SNTG1: variants seen among roughly 807,000 people sequenced by gnomAD.
SNTG1 encodes the protein syntrophin gamma 1.
In SNTG1, 39 loss-of-function variants were observed where a neutral mutation model predicts 74.7. The observed-to-expected ratio is 0.52, with a 90% confidence interval of 0.40 to 0.68. The LOEUF (loss-of-function observed/expected upper bound fraction) is 0.68. Ranked by LOEUF, SNTG1 falls within the 30% of genes least tolerant of loss-of-function variation. The pLI, the probability that SNTG1 is intolerant of heterozygous loss-of-function variation, is 0.00. For missense variants in SNTG1, 685 were observed against 609.5 expected (o/e 1.12, Z -1.30); for synonymous variants, 254 against 217.1 (o/e 1.17, Z -1.49).
chr8:50,782,680 C>T (rs1038932688), intron 18 of SNTG1, among the ~76,000 whole-genome samples: 1 of 147,246 alleles, frequency 6.8e-6, no homozygotes, highest in Non-Finnish European at 1.5e-5. Flanking sequence ...GTAGTTTGAT[C>T]ATCTGAAGCC....
intron 2 of SNTG1, among the ~76,000 whole-genome samples, chr8:50,349,023 C>T (rs915230240): frequency 2.0e-5 from 3 of 152,118 alleles, no homozygotes; most frequent in Non-Finnish European, 4.4e-5. Flanking sequence ...TGAAAGAAGA[C>T]ATTTTGTATC....
intron 4 of SNTG1, among the ~76,000 whole-genome samples, chr8:50,408,830 G>T (rs1165413747): frequency 6.6e-6 from 1 of 152,160 alleles, no homozygotes; most frequent in Non-Finnish European, 1.5e-5. Flanking sequence ...AGAATTCGTG[G>T]TAAGTATGTA....
At chr8:50,066,394 A>G (rs1429530171) in intron 1 of SNTG1, among the ~76,000 whole-genome samples, 3 of 152,140 alleles carry the variant, frequency 2.0e-5, no homozygotes, top group Admixed American at 6.5e-5. Context: ...TAATTAACAT[A>G]CTCATCATCT....
chr8:50,585,305 G>T (rs2094640820), intron 12 of SNTG1, among the ~76,000 whole-genome samples: 1 of 152,118 alleles, frequency 6.6e-6, no homozygotes, highest in Non-Finnish European at 1.5e-5. Flanking sequence ...AAGCCATTCT[G>T]CTCCTTTTAC....
At chr8:50,722,800 A>G (rs182158043) in intron 17 of SNTG1, among the ~76,000 whole-genome samples, 1 of 152,278 alleles carries the variant, frequency 6.6e-6, no homozygotes, top group Admixed American at 6.5e-5. Flanking sequence ...TATGGGAAAT[A>G]TTTAATTGTA....
chr8:50,019,936 G>A (rs565113960), intron 1 of SNTG1, among the ~76,000 whole-genome samples: 1 of 152,092 alleles, frequency 6.6e-6, no homozygotes, highest in Admixed American at 6.6e-5. Flanking sequence ...CTGAGAGGCT[G>A]TGAAAATATT....
At chr8:50,397,195 GTATC>G (rs1473546305) in intron 3 of SNTG1, among the ~76,000 whole-genome samples, 5 of 152,296 alleles carry the variant, frequency 3.3e-5, no homozygotes, top group South Asian at 2.1e-4. Context: ...CATTCATACA[GTATC>G]TATATCACAT....
In SNTG1 at chr8:50,794,935, TA is replaced by T. The variant is rs1322242366; in HGVS notation, c.*2107del. On this transcript the variant is annotated 3_prime_UTR_variant, in exon 19 of 19. Transcript: ENST00000642720. ...TAACCATTAGCTATCTTTTTAGTGTTATTATGAAAATTTAGCCTATGCTCAT... is the reference window on the plus strand; with the variant it reads ...TAACCATTAGCTATCTTTTTAGTGTTTTATGAAAATTTAGCCTATGCTCAT... 1 of 152,056 alleles carries T rather than the reference TA, an allele frequency of 6.6e-6. No individual in the cohort carries two copies. The highest frequency in any genetic ancestry group is 1.5e-5 in the Non-Finnish European group (1 of 67,970). The allele number at this position is 152,056 out of a possible 1,614,324, so 9.4% of individuals were successfully genotyped here. A position where few individuals can be genotyped will look rare whatever the true frequency, so the allele number is the denominator to read the frequency against.
chr8:50,493,679 C>T, intron 8 of SNTG1, among the ~76,000 whole-genome samples: 1 of 151,218 alleles, frequency 6.6e-6, no homozygotes, highest in Admixed American at 6.6e-5. Context: ...AAGGTCAACG[C>T]TGTATATAAG....
At chr8:50,231,373 A>C (rs1427710278) in intron 2 of SNTG1, among the ~76,000 whole-genome samples, 10 of 151,440 alleles carry the variant, frequency 6.6e-5, no homozygotes, top group Non-Finnish European at 7.4e-5. Context: ...CAGCAATCCC[A>C]CTTCTGGGTA....
At chr8:50,314,929 A>G (rs1327396670) in intron 2 of SNTG1, among the ~76,000 whole-genome samples, 1 of 149,576 alleles carries the variant, frequency 6.7e-6, no homozygotes, top group Non-Finnish European at 1.5e-5. Context: ...GAGCAAGACA[A>G]TGTGTTACAG....
chr8:50,575,352 A>T (rs188588003), intron 12 of SNTG1, among the ~76,000 whole-genome samples: 1 of 152,326 alleles, frequency 6.6e-6, no homozygotes, highest in Non-Finnish European at 1.5e-5. Flanking sequence ...GCAAGGCCAA[A>T]CACACCTACT....
chr8:50,217,214 T>C (rs953742393), intron 2 of SNTG1, among the ~76,000 whole-genome samples: 2 of 152,088 alleles, frequency 1.3e-5, no homozygotes, highest in African/African-American at 4.8e-5. Flanking sequence ...GAATGGTTAA[T>C]ATACTGGTAC....
chr8:50,674,496 A>T (rs1223980113), intron 15 of SNTG1, among the ~76,000 whole-genome samples: 1 of 151,722 alleles, frequency 6.6e-6, no homozygotes, highest in Non-Finnish European at 1.5e-5. Context: ...GGTAGTTTGT[A>T]TTTCTCTGGG....
intron 17 of SNTG1, among the ~76,000 whole-genome samples, chr8:50,738,772 G>A (rs2095535391): frequency 6.9e-6 from 1 of 144,720 alleles, no homozygotes; most frequent in South Asian, 2.3e-4. Context: ...ATGACCATCT[G>A]ATCTTCCACA....
chr8:50,061,889 T>G (rs886440089), intron 1 of SNTG1, among the ~76,000 whole-genome samples: 1 of 152,222 alleles, frequency 6.6e-6, no homozygotes, highest in Non-Finnish European at 1.5e-5. Context: ...GTGGTCATTC[T>G]TGGTGAATGC....
Position 50,636,592 on chromosome 8 carries a change from C to A in SNTG1, c.850-20317C>A, listed in dbSNP as rs180871477. Among the ~76,000 whole-genome samples, 24 of 152,230 alleles carry A rather than the reference C, an allele frequency of 1.6e-4. No homozygotes were observed. In the East Asian group the frequency reaches 3.5e-3, roughly 22 times the overall value. On this transcript the variant is annotated intron_variant, in intron 13 of 18. Transcript: ENST00000642720. ...CCAAAGTCACTATGCTCTCCTTCCCCAAAGAGCACAGATTCTCTCCTCTTG... is the reference window on the plus strand; with the variant it reads ...CCAAAGTCACTATGCTCTCCTTCCCAAAAGAGCACAGATTCTCTCCTCTTG...
intron 1 of SNTG1, among the ~76,000 whole-genome samples, chr8:49,959,208 A>G (rs1810462468): frequency 6.6e-6 from 1 of 152,316 alleles, no homozygotes; most frequent in South Asian, 2.1e-4. Context: ...TACGGGTGCC[A>G]AGGGCTTTCT....
chr8:50,102,085 G>A (rs921015155), intron 1 of SNTG1, among the ~76,000 whole-genome samples: 5 of 151,856 alleles, frequency 3.3e-5, no homozygotes, highest in African/African-American at 1.2e-4. Context: ...GTAATGGAAT[G>A]GCTGGGTCAA....
Sources: allele counts gnomAD v4.1 joint callset (sites outside exome capture counted in the v4.1 genomes callset), GRCh38; gene constraint gnomAD v4.1.1; transcripts MANE v1.5; gene names NCBI Gene and HGNC (gene_info 2026-07-23, HGNC 2026-07-21).